Variants in PLA2G4A observed in about 807,000 individuals in gnomAD.
The protein encoded by PLA2G4A is cytosolic phospholipase A2.
In PLA2G4A, 40 loss-of-function variants were observed where a neutral mutation model predicts 81.9. That is an observed-to-expected ratio of 0.49 (90% CI 0.38 to 0.64). The LOEUF is 0.64. PLA2G4A is among the 30% of genes least tolerant of loss of function. The probability of loss-of-function intolerance (pLI) is 0.00; values close to 1 mark genes in which losing one functional copy is unlikely to be tolerated. For missense variants in PLA2G4A, 715 were observed against 905.1 expected, an observed-to-expected ratio of 0.79 and a Z score of 2.69; for synonymous variants, 302 against 296.9, an observed-to-expected ratio of 1.02 and a Z score of -0.18.
intron 2 of PLA2G4A, among the ~76,000 whole-genome samples, chr1:186,866,749 A>C (rs958297765): frequency 6.6e-6 from 1 of 152,168 alleles, no homozygotes; most frequent in African/African-American, 2.4e-5. Context: ...GATATGCAAA[A>C]AAGCATAGAT....
At chr1:186,949,385 AAG>A (rs1284597797) in intron 12 of PLA2G4A, among the ~76,000 whole-genome samples, 274 of 11,988 alleles carry the variant, frequency 0.023, 2 homozygotes, top group African/African-American at 0.047. Flanking sequence ...GAAAGAAAGA[AAG>A]AAAAAAGAAA....
intron 14 of PLA2G4A, among the ~76,000 whole-genome samples, chr1:186,960,278 G>T (rs952646777): frequency 2.0e-5 from 3 of 152,132 alleles, no homozygotes; most frequent in African/African-American, 4.8e-5. Flanking sequence ...AGTTAATTTA[G>T]GCTAGAGTTC....
intron 1 of PLA2G4A, among the ~76,000 whole-genome samples, chr1:186,837,736 C>CCAAAAAA (rs1553267317): frequency 7.2e-5 from 4 of 55,232 alleles, no homozygotes; most frequent in Non-Finnish European, 9.8e-5. Flanking sequence ...GACTCCGTCT[C>CCAAAAAA]AAAAAAAAAA....
chr1:186,834,040 G>GA lies in PLA2G4A; in HGVS notation c.-70+5012dup, dbSNP rs916361350. Among the ~76,000 whole-genome samples, 105 of 151,994 alleles carry GA rather than the reference G, an allele frequency of 6.9e-4. 3 individuals carry two copies. Among genetic ancestry groups the GA allele is most frequent in the African/African-American group, 2.2e-3 (92 of 41,454 alleles). On this transcript the variant is annotated intron_variant, in intron 1 of 17. Coordinates refer to ENST00000367466, the MANE Select transcript of PLA2G4A (RefSeq NM_024420.3). Reference sequence around the variant, plus strand: ...TTTGCTTGACTTCTGGAGTCTTCAGGAAAAAAATCGGTATTTTAGGTAACA... The same window carrying GA: ...TTTGCTTGACTTCTGGAGTCTTCAGGAAAAAAAATCGGTATTTTAGGTAACA...
intron 17 of PLA2G4A, among the ~76,000 whole-genome samples, chr1:186,983,129 A>C (rs1056914289): frequency 2.6e-5 from 4 of 151,838 alleles, no homozygotes; most frequent in Admixed American, 2.6e-4. Context: ...ACACATTTTT[A>C]TCAGAATCAC....
At chr1:186,913,298 A>G (rs1335359702) in intron 7 of PLA2G4A, among the ~76,000 whole-genome samples, 2 of 151,992 alleles carry the variant, frequency 1.3e-5, no homozygotes, top group South Asian at 2.1e-4. Context: ...AAAATCCTTC[A>G]ATTATAGTTT....
intron 2 of PLA2G4A, among the ~76,000 whole-genome samples, chr1:186,865,093 T>C (rs1041459324): frequency 1.3e-4 from 19 of 147,422 alleles, no homozygotes; most frequent in Non-Finnish European, 2.4e-4. Context: ...AATATATACA[T>C]ATATATATAT....
intron 15 of PLA2G4A, among the ~76,000 whole-genome samples, chr1:186,972,743 A>T (rs1323827878): frequency 6.6e-6 from 1 of 152,144 alleles, no homozygotes; most frequent in Non-Finnish European, 1.5e-5. Context: ...GAAGGAGAGA[A>T]GGAAGAAAGA....
At chr1:186,906,550 T>G (rs1654743139) in intron 5 of PLA2G4A, among the ~76,000 whole-genome samples, 1 of 152,236 alleles carries the variant, frequency 6.6e-6, no homozygotes. Flanking sequence ...TCACCCAGGT[T>G]GATTCTAACC....
At chr1:186,917,798 C>T (rs1477662606) in intron 7 of PLA2G4A, among the ~76,000 whole-genome samples, 1 of 152,204 alleles carries the variant, frequency 6.6e-6, no homozygotes, top group Non-Finnish European at 1.5e-5. Context: ...GTGAAATCCA[C>T]CTGAAGATCC....
At chr1:186,866,300 T>C (rs1361474571) in intron 2 of PLA2G4A, among the ~76,000 whole-genome samples, 1 of 152,202 alleles carries the variant, frequency 6.6e-6, no homozygotes, top group African/African-American at 2.4e-5. Context: ...GAATATGTGC[T>C]TACTTTATTA....
At chr1:186,905,156 A>G (rs1299145942) in intron 5 of PLA2G4A, among the ~76,000 whole-genome samples, 1 of 152,146 alleles carries the variant, frequency 6.6e-6, no homozygotes, top group African/African-American at 2.4e-5. Context: ...CACCCAGCCA[A>G]ACATTGGATA....
intron 1 of PLA2G4A, among the ~76,000 whole-genome samples, chr1:186,830,465 G>T (rs563680255): frequency 4.0e-5 from 6 of 151,656 alleles, no homozygotes; most frequent in Admixed American, 6.6e-5. Flanking sequence ...AAAACTAGCC[G>T]GACGTGGTGG....
At chr1:186,843,409 T>G (rs1399265113) in intron 1 of PLA2G4A, among the ~76,000 whole-genome samples, 2 of 152,206 alleles carry the variant, frequency 1.3e-5, no homozygotes, top group African/African-American at 4.8e-5. Flanking sequence ...CTCCAGTACA[T>G]CATGCAAATC....
At position 186,979,519 on chromosome 1, in the gene PLA2G4A, C is replaced by G. The variant is rs142699319; in HGVS notation, c.2118+47C>G. ...TGACTATGTCAAATGACTTCCATACCGTATAAATACACCAATACCTCTTTT... is the reference window on the plus strand; with the variant it reads ...TGACTATGTCAAATGACTTCCATACGGTATAAATACACCAATACCTCTTTT... On this transcript the variant is annotated intron_variant, in intron 17 of 17. Coordinates refer to ENST00000367466, the MANE Select transcript of PLA2G4A (RefSeq NM_024420.3). 8.6e-6 allele frequency: 10 copies of G among 1,161,502 alleles called. 1 individual carries two copies. In the African/African-American group the frequency reaches 1.5e-4, roughly 18 times the overall value. 71.9% of individuals were successfully genotyped at this position (1,161,502 alleles called of 1,614,324 possible).
intron 3 of PLA2G4A, among the ~76,000 whole-genome samples, chr1:186,890,619 T>C (rs1214575918): frequency 6.6e-6 from 1 of 150,992 alleles, no homozygotes; most frequent in Non-Finnish European, 1.5e-5. Context: ...ACTTCGGGAG[T>C]CTGAGGCGGG....
At chr1:186,934,513 T>C (rs1194280997) in intron 8 of PLA2G4A, among the ~76,000 whole-genome samples, 1 of 148,516 alleles carries the variant, frequency 6.7e-6, no homozygotes, top group Non-Finnish European at 1.5e-5. Flanking sequence ...CACATATATA[T>C]ATATACAGAG....
At chr1:186,943,620 A>G (rs187972208) in intron 10 of PLA2G4A, among the ~76,000 whole-genome samples, 113 of 152,274 alleles carry the variant, frequency 7.4e-4, no homozygotes, top group Middle Eastern at 3.4e-3. Context: ...TTTAAGTCGA[A>G]TGTAGAAGGA....
rs550285931 is a variant in PLA2G4A, at chr1:186,968,797, A to G, written c.1764+3204A>G. Among the ~76,000 whole-genome samples, 3 of 151,736 alleles carry G rather than the reference A, an allele frequency of 2.0e-5. No individual in the cohort carries two copies. In the East Asian group the frequency reaches 5.8e-4, roughly 29 times the overall value. On this transcript the variant is annotated intron_variant, in intron 15 of 17. Transcript: ENST00000367466. ...ACTTCTAGTAAATATTTTCAGATTG[A>G]TTTCTAGAGAAGCTTCATCAATTTA...
Sources: gnomAD v4.1 joint callset for allele counts (sites outside exome capture counted in the v4.1 genomes callset) on GRCh38, gnomAD v4.1.1 for gene constraint, MANE v1.5 for transcripts, NCBI Gene and HGNC (gene_info 2026-07-23, HGNC 2026-07-21) for gene names.